The following PLEKHM3 variants were observed in gnomAD, a reference collection of about 807,000 sequenced individuals.
PLEKHM3 encodes the protein pleckstrin homology domain containing M3.
A neutral mutation model predicts 81.8 loss-of-function variants in PLEKHM3; 45 were observed. That is an observed-to-expected ratio of 0.55 (90% CI 0.43 to 0.71). The LOEUF (loss-of-function observed/expected upper bound fraction) is 0.71. PLEKHM3 is among the 30% of genes least tolerant of loss of function. The pLI is 0.00. For synonymous variants in PLEKHM3, 352 were observed against 356.4 expected (o/e 0.99, Z 0.14); for missense variants, 788 against 924.3 (o/e 0.85, Z 1.91).
chr2:208,016,670 T>TAC (rs370576889), intron 1 of PLEKHM3, among the ~76,000 whole-genome samples: 2,597 of 65,132 alleles, frequency 0.04, 95 homozygotes, highest in Middle Eastern at 0.092. Context: ...AAAAAAAAAA[T>TAC]ACACACACAC....
intron 7 of PLEKHM3, among the ~76,000 whole-genome samples, chr2:207,850,385 T>C (rs770342680): frequency 1.3e-5 from 2 of 152,256 alleles, no homozygotes; most frequent in Non-Finnish European, 2.9e-5. Context: ...ACAAAGTCTT[T>C]AAGTACAATG....
chr2:207,911,010 G>T (rs1400193042), intron 5 of PLEKHM3, among the ~76,000 whole-genome samples: 1 of 152,140 alleles, frequency 6.6e-6, no homozygotes, highest in Non-Finnish European at 1.5e-5. Flanking sequence ...GCTTCCAGGG[G>T]AGGGAATAAA....
chr2:207,958,730 T>C (rs1414146359), intron 3 of PLEKHM3, among the ~76,000 whole-genome samples: 1 of 152,014 alleles, frequency 6.6e-6, no homozygotes, highest in Non-Finnish European at 1.5e-5. Flanking sequence ...ACCAACATGA[T>C]GAAATCCCGT....
rs368832835 is a variant in PLEKHM3 at position 207,983,937 on chromosome 2, ACT to A, written c.611-6353_611-6352del. Reference sequence around the variant, plus strand: ...ACTTCACCCACTGTTGCCAGGCTAAACTCTCTGGGTATCTCACAGTCCCTCTC... The same window carrying A: ...ACTTCACCCACTGTTGCCAGGCTAAACTCTGGGTATCTCACAGTCCCTCTC... On this transcript the variant is annotated intron_variant, in intron 2 of 7. Transcript: ENST00000427836. Among the ~76,000 whole-genome samples the A allele has an allele frequency of 2.8e-3, 431 of 152,080 alleles. 2 individuals carry two copies. The highest frequency in any genetic ancestry group is 1.0e-2 in the African/African-American group (414 of 41,478).
At chr2:207,880,876 T>TTA (rs397791847) in intron 6 of PLEKHM3, among the ~76,000 whole-genome samples, 1 of 149,898 alleles carries the variant, frequency 6.7e-6, no homozygotes, top group South Asian at 2.1e-4. Flanking sequence ...TCTTTTTTTT[T>TTA]ACCTCTAAAA....
At chr2:207,865,799 A>ATATATATATATAT (rs1227503454) in intron 6 of PLEKHM3, among the ~76,000 whole-genome samples, 3 of 35,136 alleles carry the variant, frequency 8.5e-5, no homozygotes, top group African/African-American at 5.4e-4. Flanking sequence ...AAAAAAAAAA[A>ATATATATATATAT]AAAGATATAT....
At chr2:207,912,649 G>C (rs1304662032) in intron 5 of PLEKHM3, among the ~76,000 whole-genome samples, 1 of 152,116 alleles carries the variant, frequency 6.6e-6, no homozygotes, top group East Asian at 1.9e-4. Flanking sequence ...GTCAAATATG[G>C]GAATAAATTT....
intron 4 of PLEKHM3, among the ~76,000 whole-genome samples, chr2:207,939,873 A>G (rs1171874828): frequency 3.3e-5 from 5 of 152,208 alleles, no homozygotes; most frequent in Non-Finnish European, 7.3e-5. Flanking sequence ...GCATGGCCTC[A>G]GGAGCTAAAA....
At position 208,001,133 on chromosome 2, in the gene PLEKHM3, C is replaced by T; in HGVS notation, c.507G>A (p.Gln169=). ...GCAATGGCTGCTGCTGTTGCTGCTGCTGCAAAGGCGTGGTTTTGAGGACTA... is the reference window on the plus strand; with the variant it reads ...GCAATGGCTGCTGCTGTTGCTGCTGTTGCAAAGGCGTGGTTTTGAGGACTA... The part of the protein sequence containing the change: ...WRVVLKTTPL[Q]QQQQQQPLLQ... Residue 169 remains glutamine (Q), a synonymous_variant, in exon 2 of 8, where the codon CAG becomes CAA. Transcript: ENST00000427836. 6.2e-7 allele frequency: 1 copy of T among 1,608,556 alleles called. No individual in the cohort carries two copies. The highest frequency in any genetic ancestry group is 1.7e-4 in the Middle Eastern group (1 of 6,052).
chr2:207,888,766 C>T (rs2105866392), intron 6 of PLEKHM3, among the ~76,000 whole-genome samples: 1 of 152,316 alleles, frequency 6.6e-6, no homozygotes, highest in South Asian at 2.1e-4. Flanking sequence ...AGTCTACTCC[C>T]CTTACTTGGT....
intron 5 of PLEKHM3, among the ~76,000 whole-genome samples, chr2:207,926,175 G>C (rs1051314803): frequency 6.6e-6 from 1 of 152,142 alleles, no homozygotes; most frequent in African/African-American, 2.4e-5. Flanking sequence ...GGCAAGTCAA[G>C]TGTCTAAAGC....
chr2:207,931,382 A>G (rs1281165841), intron 4 of PLEKHM3, among the ~76,000 whole-genome samples: 1 of 152,198 alleles, frequency 6.6e-6, no homozygotes, highest in Non-Finnish European at 1.5e-5. Flanking sequence ...ACAGAACGGC[A>G]CAGTATGGTG....
At chr2:208,003,978 A>G (rs1038041223) in intron 1 of PLEKHM3, among the ~76,000 whole-genome samples, 3 of 152,210 alleles carry the variant, frequency 2.0e-5, no homozygotes, top group Non-Finnish European at 4.4e-5. Flanking sequence ...TTTCTCATCC[A>G]GTGTTTCAAA....
chr2:207,923,207 T>C (rs1191870946), intron 5 of PLEKHM3, among the ~76,000 whole-genome samples: 1 of 152,162 alleles, frequency 6.6e-6, no homozygotes, highest in Admixed American at 6.5e-5. Context: ...CTACTCACTG[T>C]CTAATAAGAC....
At chr2:207,952,907 AC>A (rs1690374358) in intron 3 of PLEKHM3, among the ~76,000 whole-genome samples, 1 of 152,236 alleles carries the variant, frequency 6.6e-6, no homozygotes, top group Non-Finnish European at 1.5e-5. Flanking sequence ...GTGATCCAAT[AC>A]TTTTTGCATC....
At chr2:208,016,649 C>CAA (rs1234374383) in intron 1 of PLEKHM3, among the ~76,000 whole-genome samples, 8 of 66,228 alleles carry the variant, frequency 1.2e-4, no homozygotes, top group East Asian at 4.3e-4. Context: ...GACTTTGTCT[C>CAA]AAAAAAAAAA....
At position 207,839,423 on chromosome 2, in the gene PLEKHM3, T is replaced by C. The variant is rs76488545; in HGVS notation, c.2109-10927A>G. On this transcript the variant is annotated intron_variant, in intron 7 of 7. Coordinates refer to ENST00000427836, the MANE Select transcript of PLEKHM3 (RefSeq NM_001080475.3). ...TTATGAATAAGTTACTGGTTATTGA[T>C]GTAAATTTAGGAGAAAGGCATTTAA... Among the ~76,000 whole-genome samples the C allele has an allele frequency of 7.8e-3, 1,183 of 152,326 alleles. 7 individuals are homozygous for C. Among genetic ancestry groups the C allele is most frequent in the African/African-American group, 0.027 (1,122 of 41,570 alleles).
Position 208,001,736 on chromosome 2 carries a change from T to G in PLEKHM3, c.-97A>C. 1 of 1,506,902 alleles carries G rather than the reference T, an allele frequency of 6.6e-7. No homozygotes were observed. The highest frequency in any genetic ancestry group is 1.3e-5 in the South Asian group (1 of 74,150). 93.3% of individuals were successfully genotyped at this position (1,506,902 alleles called of 1,614,324 possible). A position where few individuals can be genotyped will look rare whatever the true frequency, so the allele number is the denominator to read the frequency against. The stretch of plus-strand genomic sequence containing the variant: ...AAGAGGGGTGCTTCAGCAATAGAGC[T>G]ATGGAAACAACTGGAAGAAACCTTC... On this transcript the variant is annotated 5_prime_UTR_variant, in exon 2 of 8. The change abolishes the stop of an existing upstream ORF in the 5' untranslated region. Transcript: ENST00000427836.
intron 1 of PLEKHM3, among the ~76,000 whole-genome samples, chr2:208,002,581 C>G (rs1355115410): frequency 1.3e-5 from 2 of 152,114 alleles, no homozygotes; most frequent in Non-Finnish European, 2.9e-5. Context: ...GAGTATGGGT[C>G]CAGTCTGCAG....
Sources: allele counts gnomAD v4.1 joint callset (sites outside exome capture counted in the v4.1 genomes callset), GRCh38; gene constraint gnomAD v4.1.1; transcripts MANE v1.5; gene names NCBI Gene and HGNC (gene_info 2026-07-23, HGNC 2026-07-21).